TTC39B: variants seen among roughly 807,000 people sequenced by gnomAD.
The protein encoded by TTC39B is tetratricopeptide repeat protein 39B.
In TTC39B, 92 loss-of-function variants were observed where a neutral mutation model predicts 96.6. The ratio of observed to expected loss-of-function variants is 0.95; its 90% confidence interval spans 0.80 to 1.13. The LOEUF is 1.13. Ranked by LOEUF, TTC39B falls within the 50% of genes most tolerant of loss-of-function variation. TTC39B has a pLI of 0.00. For synonymous variants in TTC39B, 367 were observed against 299.4 expected (o/e 1.23, Z -2.33); for missense variants, 955 against 809.3 (o/e 1.18, Z -2.18).
At chr9:15,239,777 G>A (rs1344669682) in intron 2 of TTC39B, among the ~76,000 whole-genome samples, 1 of 152,182 alleles carries the variant, frequency 6.6e-6, no homozygotes. Context: ...GAGGATGGAG[G>A]TGAAGGTTGA....
intron 13 of TTC39B, among the ~76,000 whole-genome samples, chr9:15,188,633 T>C (rs1298848642): frequency 6.6e-6 from 1 of 152,164 alleles, no homozygotes; most frequent in Non-Finnish European, 1.5e-5. Context: ...GATATACATG[T>C]GGATAAATTT....
intron 2 of TTC39B, chr9:15,250,006 GCCAACTAAAAGAAGAGACAAA>G (rs1246517264): frequency 8.5e-6 from 11 of 1,286,986 alleles, no homozygotes; most frequent in Middle Eastern, 2.1e-4. Context: ...TTTTTTTTAA[GCCAACTAAAAGAAGAGACAAA>G]CCTCAATTTT....
At chr9:15,181,501 T>C (rs528945054) in intron 17 of TTC39B, among the ~76,000 whole-genome samples, 43 of 152,286 alleles carry the variant, frequency 2.8e-4, no homozygotes, top group African/African-American at 1.0e-3. Flanking sequence ...ACAGAGGTGT[T>C]ACCCAGAGTC....
chr9:15,188,474 GGAA>G (rs762225403), intron 13 of TTC39B, among the ~76,000 whole-genome samples: 68 of 152,244 alleles, frequency 4.5e-4, no homozygotes, highest in East Asian at 7.7e-4. Context: ...GCAACAGACA[GGAA>G]GAAGATGTCA....
intron 1 of TTC39B, among the ~76,000 whole-genome samples, chr9:15,281,941 G>T (rs1409603664): frequency 6.6e-6 from 1 of 152,150 alleles, no homozygotes; most frequent in African/African-American, 2.4e-5. Context: ...GCCTCCCAAA[G>T]TGTTGAGATT....
chr9:15,200,816 T>C (rs983076998), intron 7 of TTC39B, among the ~76,000 whole-genome samples: 1 of 152,202 alleles, frequency 6.6e-6, no homozygotes, highest in Admixed American at 6.5e-5. Flanking sequence ...CTGGCCAACA[T>C]GGTGAAACCC....
chr9:15,279,779 T>C (rs180885426), intron 1 of TTC39B, among the ~76,000 whole-genome samples: 152 of 152,288 alleles, frequency 1.0e-3, no homozygotes, highest in African/African-American at 3.5e-3. Flanking sequence ...TGACATGTCC[T>C]GATGTCCCCA....
At chr9:15,200,603 T>A (rs1819478051) in intron 7 of TTC39B, among the ~76,000 whole-genome samples, 1 of 152,230 alleles carries the variant, frequency 6.6e-6, no homozygotes, top group African/African-American at 2.4e-5. Flanking sequence ...ATAAATTACA[T>A]CAAATAACCA....
chr9:15,208,719 C>T (rs1820018313), intron 6 of TTC39B, among the ~76,000 whole-genome samples: 1 of 152,116 alleles, frequency 6.6e-6, no homozygotes, highest in South Asian at 2.1e-4. Context: ...CAATGAAATG[C>T]CATTCTGTTT....
At chr9:15,187,294 T>G (rs974046977) in intron 14 of TTC39B, among the ~76,000 whole-genome samples, 4 of 152,198 alleles carry the variant, frequency 2.6e-5, no homozygotes, top group African/African-American at 9.7e-5. Context: ...AAAAATTATC[T>G]CATTGCCCTC....
chr9:15,212,225 A>G lies in TTC39B; in HGVS notation c.483-828T>C, dbSNP rs1820241876. 2.0e-5 allele frequency among the ~76,000 whole-genome samples: 3 copies of G among 152,184 alleles called. No homozygotes were observed. The South Asian group carries it at 6.2e-4, about 31-fold the overall frequency. On this transcript the variant is annotated intron_variant, in intron 4 of 19. Transcript: ENST00000512701. ...GCCACATTATTCTTTGCCTCCATGG[A>G]AATAGTCTAAACATCCTTTGGTAAT...
In TTC39B at chr9:15,290,942, T is replaced by G. The variant is rs183289406; in HGVS notation, c.240+16142A>C. On this transcript the variant is annotated intron_variant, in intron 1 of 19. Transcript: ENST00000512701. Reference sequence around the variant, plus strand: ...ATTGAGATCTGTCTCAGACATTTTTTGGGTTATACGTAAAAGGAGTAATGC... The same window carrying G: ...ATTGAGATCTGTCTCAGACATTTTTGGGGTTATACGTAAAAGGAGTAATGC... Among the ~76,000 whole-genome samples the G allele has an allele frequency of 2.5e-3, 383 of 152,330 alleles. 1 individual carries two copies. The highest frequency in any genetic ancestry group is 8.8e-3 in the African/African-American group (364 of 41,582).
intron 6 of TTC39B, among the ~76,000 whole-genome samples, chr9:15,208,638 T>C (rs554236277): frequency 1.1e-4 from 17 of 152,304 alleles, no homozygotes; most frequent in African/African-American, 2.9e-4. Context: ...AGAGGATAAA[T>C]ACATTCTTAC....
At chr9:15,218,244 A>C (rs1414585888) in intron 3 of TTC39B, among the ~76,000 whole-genome samples, 4 of 151,602 alleles carry the variant, frequency 2.6e-5, no homozygotes, top group Non-Finnish European at 4.4e-5. Flanking sequence ...CCTCAAGTAT[A>C]GCATGATGTA....
In TTC39B at chr9:15,306,506, G is replaced by A. The variant is rs1243030837; in HGVS notation, c.240+578C>T. Among the ~76,000 whole-genome samples the A allele has an allele frequency of 6.6e-6, 1 of 152,198 alleles. No homozygotes were observed. Among genetic ancestry groups the A allele is most frequent in the African/African-American group, 2.4e-5 (1 of 41,452 alleles). ...AGAGGGAAGCACCACAGCCTGGGCT[G>A]CGGCTCTAGCCCTCCAGCCCCAGCC... On this transcript the variant is annotated intron_variant, in intron 1 of 19. Transcript: ENST00000512701. This position sits in a 1 kb window ranked among gnomAD's most constrained non-coding sequence, Gnocchi z 5.1.
chr9:15,263,718 T>G (rs921217684), intron 2 of TTC39B, among the ~76,000 whole-genome samples: 1 of 152,212 alleles, frequency 6.6e-6, no homozygotes, highest in Non-Finnish European at 1.5e-5. Flanking sequence ...AGGCCTCTGC[T>G]ACAAGATTCT....
intron 2 of TTC39B, among the ~76,000 whole-genome samples, chr9:15,233,042 T>C (rs946747274): frequency 6.6e-6 from 1 of 151,852 alleles, no homozygotes; most frequent in African/African-American, 2.4e-5. Flanking sequence ...AGAGGAAATT[T>C]TGCGATAGGA....
chr9:15,261,316 A>G (rs1189952999), intron 2 of TTC39B, among the ~76,000 whole-genome samples: 1 of 152,084 alleles, frequency 6.6e-6, no homozygotes, highest in African/African-American at 2.4e-5. Context: ...GCATCTCTAC[A>G]AAAAATAAAA....
At chr9:15,220,081 A>G (rs1418182497) in intron 3 of TTC39B, among the ~76,000 whole-genome samples, 1 of 152,224 alleles carries the variant, frequency 6.6e-6, no homozygotes, top group Non-Finnish European at 1.5e-5. Flanking sequence ...TGAGAACTAA[A>G]CACTTAGAAT....
Sources: gnomAD v4.1 joint callset for allele counts (sites outside exome capture counted in the v4.1 genomes callset) on GRCh38, gnomAD v4.1.1 for gene constraint, Gnocchi (gnomAD v3.1) non-coding constraint, MANE v1.5 for transcripts, NCBI Gene and HGNC (gene_info 2026-07-23, HGNC 2026-07-21) for gene names.